The following PHACTR2 variants were observed in gnomAD, a reference collection of about 807,000 sequenced individuals.
The protein encoded by PHACTR2 is chromosome 6 open reading frame 56.
PHACTR2 carries 30 observed loss-of-function variants against 76.0 expected under a neutral mutation model. That is an observed-to-expected ratio of 0.39 (90% CI 0.30 to 0.54). The LOEUF is 0.54. Ranked by LOEUF, PHACTR2 falls within the 20% of genes least tolerant of loss-of-function variation. The pLI is 0.61. For missense variants in PHACTR2, 696 were observed against 781.1 expected, an observed-to-expected ratio of 0.89 and a Z score of 1.30; for synonymous variants, 292 against 292.5, an observed-to-expected ratio of 1.00 and a Z score of 0.02.
At chr6:143,643,221 T>C (rs1562257134) in intron 1 of PHACTR2, among the ~76,000 whole-genome samples, 2 of 152,150 alleles carry the variant, frequency 1.3e-5, no homozygotes, top group Non-Finnish European at 2.9e-5. Context: ...TCATAAATAA[T>C]CTATCCCCTG....
intron 11 of PHACTR2, among the ~76,000 whole-genome samples, chr6:143,790,569 G>A (rs1273238101): frequency 2.0e-5 from 3 of 152,082 alleles, no homozygotes; most frequent in East Asian, 1.9e-4. Context: ...CCACTCCACC[G>A]AAGTGCCTTT....
intron 5 of PHACTR2, among the ~76,000 whole-genome samples, chr6:143,762,956 A>T (rs575928045): frequency 2.6e-5 from 4 of 152,334 alleles, no homozygotes; most frequent in African/African-American, 9.6e-5. Flanking sequence ...ATTTAAGAAG[A>T]TTCTTTAAGA....
At chr6:143,603,145 CAAAAAAA>C (rs751947717) in intron 1 of PHACTR2, among the ~76,000 whole-genome samples, 1 of 78,820 alleles carries the variant, frequency 1.3e-5, no homozygotes, top group Non-Finnish European at 2.4e-5. Context: ...GACTCTGTCT[CAAAAAAA>C]AAAAAAAAAA....
In PHACTR2 at chr6:143,738,457, T is replaced by G. The variant is rs1778868466; in HGVS notation, c.215-10528T>G. ...CACCTTTACCCCAGGGCAATAGAAT[T>G]AGATCTTTAAATGAGTTGGGACCAG... On this transcript the variant is annotated intron_variant, in intron 2 of 12. Coordinates refer to ENST00000440869, the MANE Select transcript of PHACTR2 (RefSeq NM_001100164.2). This position sits in a 1 kb window ranked among gnomAD's most constrained non-coding sequence, Gnocchi z 4.0. 6.6e-6 allele frequency among the ~76,000 whole-genome samples: 1 copy of G among 151,712 alleles called. No individual in the cohort carries two copies. The highest frequency in any genetic ancestry group is 2.1e-4 in the South Asian group (1 of 4,800).
At chr6:143,735,791 T>C (rs956110029) in intron 2 of PHACTR2, among the ~76,000 whole-genome samples, 1 of 152,206 alleles carries the variant, frequency 6.6e-6, no homozygotes, top group Non-Finnish European at 1.5e-5. Context: ...AATTAGTTAC[T>C]ACCCCATGAG....
In PHACTR2 at chr6:143,700,416, A is replaced by C. The variant is rs1224298343; in HGVS notation, c.47-11600A>C. ...CTAAAAATACAGAAATTAGCAAGGC[A>C]TGGTGGCATGCACCTGTAATCCCAG... On this transcript the variant is annotated intron_variant, in intron 1 of 12. Transcript: ENST00000440869. The surrounding 1 kb of genome is among the most constrained non-coding windows in gnomAD (Gnocchi z 4.1). Among the ~76,000 whole-genome samples the C allele has an allele frequency of 6.6e-6, 1 of 152,084 alleles. No individual in the cohort carries two copies. The highest frequency in any genetic ancestry group is 1.9e-4 in the East Asian group (1 of 5,166).
In PHACTR2 at chr6:143,553,865, A is replaced by C. The variant is rs964929425; in HGVS notation, c.217+16658A>C. The stretch of plus-strand genomic sequence containing the variant: ...GCAGATTGCAACCTTAAGTATGGCA[A>C]CCAAGGCAGGCCCCACTGAGAAGGT... On this transcript the variant is annotated intron_variant, in intron 1 of 11. Transcript: ENST00000367584. This position sits in a 1 kb window ranked among gnomAD's most constrained non-coding sequence, Gnocchi z 4.2. 1.3e-5 allele frequency among the ~76,000 whole-genome samples: 2 copies of C among 152,202 alleles called. No individual in the cohort carries two copies. Among genetic ancestry groups the C allele is most frequent in the African/African-American group, 2.4e-5 (1 of 41,444 alleles).
chr6:143,700,790 A>G lies in PHACTR2; in HGVS notation c.47-11226A>G, dbSNP rs1777891417. ...CTTCCTTTTCACAAACACAGCACAC[A>G]CTCTACACACCATGACCTGCTCCAC... On this transcript the variant is annotated intron_variant, in intron 1 of 12. Transcript: ENST00000440869. This position sits in a 1 kb window ranked among gnomAD's most constrained non-coding sequence, Gnocchi z 4.1. Among the ~76,000 whole-genome samples, 1 of 151,896 alleles carries G rather than the reference A, an allele frequency of 6.6e-6. No homozygotes were observed. The highest frequency in any genetic ancestry group is 1.5e-5 in the Non-Finnish European group (1 of 67,972).
Position 143,788,835 on chromosome 6 carries a change from T to C in PHACTR2, c.1770T>C (p.Tyr590=), listed in dbSNP as rs923458998. ...QARRILRFNE[Y]VEVTDSPDYD... Reference sequence around the variant, plus strand: ...GAAGGATCCTGCGATTTAACGAGTATGTAGAAGTCACGGATTCTCCTGACT... The same window carrying C: ...GAAGGATCCTGCGATTTAACGAGTACGTAGAAGTCACGGATTCTCCTGACT... Residue 590 remains tyrosine, a synonymous_variant, in exon 11 of 13, where the codon TAT becomes TAC. Coordinates refer to ENST00000440869, the MANE Select transcript of PHACTR2 (RefSeq NM_001100164.2). 30 of 1,613,828 alleles carry C rather than the reference T, an allele frequency of 1.9e-5. No individual in the cohort carries two copies. In the Admixed American group the frequency reaches 2.8e-4, roughly 15 times the overall value.
At chr6:143,590,353 C>A (rs1775676658) in intron 1 of PHACTR2, among the ~76,000 whole-genome samples, 1 of 152,048 alleles carries the variant, frequency 6.6e-6, no homozygotes, top group Non-Finnish European at 1.5e-5. Context: ...TAATGAGCTT[C>A]TGGAATTGTT....
chr6:143,760,993 A>G lies in PHACTR2; in HGVS notation c.694+353A>G, dbSNP rs976293102. 2.0e-5 allele frequency among the ~76,000 whole-genome samples: 3 copies of G among 152,174 alleles called. No homozygotes were observed. The highest frequency in any genetic ancestry group is 4.4e-5 in the Non-Finnish European group (3 of 68,016). ...ACTGACCTTCTACCTATATGAGCCT[A>G]TGGGTGGCTTTTTGGCTTGGATTTT... On this transcript the variant is annotated intron_variant, in intron 5 of 12. Coordinates refer to ENST00000440869, the MANE Select transcript of PHACTR2 (RefSeq NM_001100164.2). The surrounding 1 kb of genome is among the most constrained non-coding windows in gnomAD (Gnocchi z 6.4).
intron 11 of PHACTR2, among the ~76,000 whole-genome samples, chr6:143,804,547 C>T (rs1175595983): frequency 6.6e-6 from 1 of 152,108 alleles, no homozygotes; most frequent in Non-Finnish European, 1.5e-5. Context: ...GTAGGATATG[C>T]CTGTAAATAG....
At chr6:143,544,020 C>T (rs1419687717) in intron 1 of PHACTR2, among the ~76,000 whole-genome samples, 1 of 152,186 alleles carries the variant, frequency 6.6e-6, no homozygotes, top group East Asian at 1.9e-4. Context: ...CTCTCTCTGA[C>T]CTTCTCTTGC....
At chr6:143,735,582 A>G (rs1778797354) in intron 2 of PHACTR2, among the ~76,000 whole-genome samples, 2 of 152,106 alleles carry the variant, frequency 1.3e-5, no homozygotes, top group Non-Finnish European at 2.9e-5. Flanking sequence ...CCATTCAACA[A>G]CTTCCCATCC....
chr6:143,756,161 A>G (rs1472916480), intron 4 of PHACTR2, among the ~76,000 whole-genome samples: 3 of 152,120 alleles, frequency 2.0e-5, no homozygotes, highest in Non-Finnish European at 4.4e-5. Flanking sequence ...ATACTTTAAT[A>G]TTTGAAACAT....
In PHACTR2 at chr6:143,733,383, GC is replaced by G. The variant is rs1484283776; in HGVS notation, c.215-15601del. Among the ~76,000 whole-genome samples the G allele has an allele frequency of 6.6e-6, 1 of 152,100 alleles. No homozygotes were observed. The highest frequency in any genetic ancestry group is 1.5e-5 in the Non-Finnish European group (1 of 68,006). On this transcript the variant is annotated intron_variant, in intron 2 of 12. Transcript: ENST00000440869. The surrounding 1 kb of genome is among the most constrained non-coding windows in gnomAD (Gnocchi z 4.0). ...CTCAAAGAAACTTGTATAGTGCCTG[GC>G]TTATGTTAAACATTCAGTAAATGTA...
chr6:143,628,246 A>G (rs892890168), intron 1 of PHACTR2, among the ~76,000 whole-genome samples: 3 of 152,220 alleles, frequency 2.0e-5, no homozygotes, highest in Non-Finnish European at 2.9e-5. Context: ...TAGTGCTGCT[A>G]TGAATGTTTG....
rs1776073523 is a variant in PHACTR2, at chr6:143,806,677, A to C, written c.1846-380A>C. Among the ~76,000 whole-genome samples, 1 of 152,212 alleles carries C rather than the reference A, an allele frequency of 6.6e-6. No homozygotes were observed. Among genetic ancestry groups the C allele is most frequent in the African/African-American group, 2.4e-5 (1 of 41,462 alleles). ...ACACCTTAAAAGAATGTCTAAGCTCAGTATGGTGGCTCATGCCTGTAATTT... is the reference window on the plus strand; with the variant it reads ...ACACCTTAAAAGAATGTCTAAGCTCCGTATGGTGGCTCATGCCTGTAATTT... On this transcript the variant is annotated intron_variant, in intron 11 of 12. Transcript: ENST00000440869. This position sits in a 1 kb window ranked among gnomAD's most constrained non-coding sequence, Gnocchi z 5.8.
chr6:143,655,547 A>G (rs1776834965), intron 1 of PHACTR2, among the ~76,000 whole-genome samples: 1 of 152,238 alleles, frequency 6.6e-6, no homozygotes, highest in East Asian at 1.9e-4. Context: ...TATGTCATTA[A>G]TTATAGATTT....
Sources: allele counts gnomAD v4.1 joint callset (sites outside exome capture counted in the v4.1 genomes callset), GRCh38; gene constraint gnomAD v4.1.1; non-coding constraint Gnocchi (gnomAD v3.1); transcripts MANE v1.5; gene names NCBI Gene and HGNC (gene_info 2026-07-23, HGNC 2026-07-21).